The following MTMR12 variants were observed in gnomAD, a reference collection of about 807,000 sequenced individuals.
The protein encoded by MTMR12 is myotubularin-related protein 12.
MTMR12 carries 33 observed loss-of-function variants against 96.7 expected under a neutral mutation model. That is an observed-to-expected ratio of 0.34 (90% CI 0.26 to 0.46). The LOEUF (loss-of-function observed/expected upper bound fraction) is 0.46, where lower values mean the gene tolerates loss of function less well. Among genes scored for constraint, MTMR12 ranks in the 20% least tolerant of loss-of-function variants. The probability of loss-of-function intolerance (pLI) is 1.00; values close to 1 mark genes in which losing one functional copy is unlikely to be tolerated. For missense variants in MTMR12, 721 were observed against 896.1 expected (o/e 0.80, Z 2.49); for synonymous variants, 298 against 327.2 (o/e 0.91, Z 0.96).
In MTMR12 at chr5:32,229,668, G is replaced by A. The variant is rs769021562; in HGVS notation, c.*110C>T. 8.4e-5 allele frequency: 87 copies of A among 1,041,698 alleles called. No individual in the cohort carries two copies. Among genetic ancestry groups the A allele is most frequent in the Admixed American group, 1.6e-4 (5 of 31,030 alleles). 64.5% of individuals were successfully genotyped at this position (1,041,698 alleles called of 1,614,324 possible). A position where few individuals can be genotyped will look rare whatever the true frequency, so the allele number is the denominator to read the frequency against. On this transcript the variant is annotated 3_prime_UTR_variant, in exon 16 of 16. Transcript: ENST00000382142. Reference sequence around the variant, plus strand: ...CCCGAAGGCCCAGGTTTATTCTAACGGAGTGCCGGGCTAAGGACCCAGCCA... The same window carrying A: ...CCCGAAGGCCCAGGTTTATTCTAACAGAGTGCCGGGCTAAGGACCCAGCCA...
chr5:32,242,656 C>T (rs959998952), intron 11 of MTMR12, among the ~76,000 whole-genome samples: 7 of 151,666 alleles, frequency 4.6e-5, no homozygotes, highest in African/African-American at 7.3e-5. Context: ...TGCTTGCAGA[C>T]GTGTCCTCTC....
Position 32,227,550 on chromosome 5 carries a change from T to C in MTMR12, c.*2228A>G, listed in dbSNP as rs1339575164. On this transcript the variant is annotated 3_prime_UTR_variant, in exon 16 of 16. Transcript: ENST00000382142. ...CCTTGTGCCTTTAAACCATACTTTGTAGAGTGTAAAGCATCACACCGGGCA... is the reference window on the plus strand; with the variant it reads ...CCTTGTGCCTTTAAACCATACTTTGCAGAGTGTAAAGCATCACACCGGGCA... 3.9e-5 allele frequency: 6 copies of C among 152,648 alleles called. No homozygotes were observed. The highest frequency in any genetic ancestry group is 1.9e-4 in the East Asian group (1 of 5,202). 9.5% of individuals were successfully genotyped at this position (152,648 alleles called of 1,614,324 possible).
Position 32,229,988 on chromosome 5 carries a change from G to T in MTMR12, c.2034C>A (p.Ile678=), listed in dbSNP as rs745897705. The change falls in exon 16 of 16, where the codon ATC becomes ATA. Residue 678 remains isoleucine (I), a synonymous_variant. Coordinates refer to ENST00000382142, the MANE Select transcript of MTMR12 (RefSeq NM_001040446.3). ...CCTGCTGGCTGTGGTGTCTCTCGTC[G>T]ATCTTCTCTTGTAAACTCTGGACTT... is the stretch of plus-strand genomic sequence containing the variant. ...MEEVQSLQEK[I]DERHHSQQAP... is the part of the protein sequence containing the mutation. 88 of 1,612,194 alleles carry T rather than the reference G, an allele frequency of 5.5e-5. No homozygotes were observed. Among genetic ancestry groups the T allele is most frequent in the Non-Finnish European group, 7.0e-5 (83 of 1,178,532 alleles).
chr5:32,249,360 T>C (rs905132646), intron 8 of MTMR12, among the ~76,000 whole-genome samples: 3 of 152,164 alleles, frequency 2.0e-5, no homozygotes, highest in Non-Finnish European at 4.4e-5. Flanking sequence ...AGTGTGACTC[T>C]AAAGGCTGTG....
chr5:32,255,116 G>T (rs1484434123), intron 8 of MTMR12, among the ~76,000 whole-genome samples: 1 of 152,212 alleles, frequency 6.6e-6, no homozygotes, highest in Non-Finnish European at 1.5e-5. Flanking sequence ...TGAACCAGCT[G>T]TGCACACAGC....
intron 13 of MTMR12, among the ~76,000 whole-genome samples, chr5:32,236,308 G>A (rs754821932): frequency 6.6e-6 from 1 of 152,176 alleles, no homozygotes; most frequent in African/African-American, 2.4e-5. Flanking sequence ...AGCACTTTGA[G>A]AGGCTGAGGC....
chr5:32,263,730 G>A (rs761324409), intron 6 of MTMR12, among the ~76,000 whole-genome samples: 3 of 152,110 alleles, frequency 2.0e-5, no homozygotes, highest in East Asian at 1.9e-4. Flanking sequence ...GAGCCATCGC[G>A]CCAGGCCAGC....
chr5:32,303,270 T>G (rs2112160179), intron 1 of MTMR12, among the ~76,000 whole-genome samples: 1 of 152,324 alleles, frequency 6.6e-6, no homozygotes, highest in Middle Eastern at 3.4e-3. Context: ...AACTGAAGCT[T>G]AAAGGAACTG....
At chr5:32,302,304 T>C (rs1751184566) in intron 1 of MTMR12, among the ~76,000 whole-genome samples, 1 of 152,204 alleles carries the variant, frequency 6.6e-6, no homozygotes, top group Admixed American at 6.5e-5. Context: ...TCAGAGACAA[T>C]TTGATTTTAT....
intron 1 of MTMR12, among the ~76,000 whole-genome samples, chr5:32,295,323 G>A (rs1750884644): frequency 6.6e-6 from 1 of 152,228 alleles, no homozygotes; most frequent in Non-Finnish European, 1.5e-5. Flanking sequence ...AAGCCAGGGA[G>A]GCAGACATGC....
intron 1 of MTMR12, among the ~76,000 whole-genome samples, chr5:32,307,620 C>G (rs2112170672): frequency 6.6e-6 from 1 of 152,302 alleles, no homozygotes; most frequent in East Asian, 1.9e-4. Flanking sequence ...GTCACATTCA[C>G]TGATTTAGAA....
intron 13 of MTMR12, among the ~76,000 whole-genome samples, chr5:32,235,496 T>G (rs1748192027): frequency 6.6e-6 from 1 of 152,220 alleles, no homozygotes; most frequent in African/African-American, 2.4e-5. Flanking sequence ...TTAGTAGTAC[T>G]GTATTACCAA....
At position 32,229,825 on chromosome 5, in the gene MTMR12, C is replaced by G; in HGVS notation, c.2197G>C (p.Asp733His). The G allele has an allele frequency of 6.4e-7, 1 of 1,574,668 alleles. No homozygotes were observed. Among genetic ancestry groups the G allele is most frequent in the South Asian group, 1.2e-5 (1 of 85,010 alleles). Reference sequence around the variant, plus strand: ...AACTCATCTTCTCGTTTGGCCAAATCGTCTTCATCTCCCAAAGCTTTCCAG... The same window carrying G: ...AACTCATCTTCTCGTTTGGCCAAATGGTCTTCATCTCCCAAAGCTTTCCAG... ...SGWKALGDED[D>H]LAKREDEFVD... is the part of the protein sequence containing the mutation. The change falls in exon 16 of 16, where the codon GAT becomes CAT. Residue 733 changes from aspartate (D) to histidine (H), a missense_variant. Coordinates refer to ENST00000382142, the MANE Select transcript of MTMR12 (RefSeq NM_001040446.3).
chr5:32,246,514 C>A (rs1229964439), intron 10 of MTMR12, among the ~76,000 whole-genome samples: 1 of 152,170 alleles, frequency 6.6e-6, no homozygotes, highest in Non-Finnish European at 1.5e-5. Flanking sequence ...GCTGAACCAA[C>A]TGAGATGTCT....
At chr5:32,263,818 T>G (rs1012315205) in intron 6 of MTMR12, among the ~76,000 whole-genome samples, 6 of 152,202 alleles carry the variant, frequency 3.9e-5, no homozygotes, top group Non-Finnish European at 7.3e-5. Context: ...CATCTGACCA[T>G]GAGTTAATTT....
intron 1 of MTMR12, among the ~76,000 whole-genome samples, chr5:32,298,695 T>C (rs1156495360): frequency 6.6e-6 from 1 of 151,732 alleles, no homozygotes; most frequent in African/African-American, 2.4e-5. Flanking sequence ...ACGCCTGTAA[T>C]CCCAGCACTT....
intron 5 of MTMR12, 61 bp from the exon 6 acceptor site, chr5:32,268,855 C>A: frequency 7.2e-7 from 1 of 1,382,606 alleles, no homozygotes; most frequent in Non-Finnish European, 1.0e-6. Context: ...CTAACAAAGA[C>A]AAGAGTCAAG....
intron 1 of MTMR12, among the ~76,000 whole-genome samples, chr5:32,310,754 T>C (rs1486052327): frequency 6.6e-6 from 1 of 152,148 alleles, no homozygotes; most frequent in Non-Finnish European, 1.5e-5. Flanking sequence ...TCAACAATAA[T>C]TGTATATTTT....
intron 1 of MTMR12, chr5:32,309,811 T>A (rs1471714502): frequency 3.3e-5 from 5 of 152,014 alleles, no homozygotes; most frequent in African/African-American, 1.2e-4. Flanking sequence ...TGAGATATCA[T>A]CTCATCCCAG....
Sources: gnomAD v4.1 joint callset for allele counts (sites outside exome capture counted in the v4.1 genomes callset) on GRCh38, gnomAD v4.1.1 for gene constraint, MANE v1.5 for transcripts, NCBI Gene and HGNC (gene_info 2026-07-23, HGNC 2026-07-21) for gene names.